The following KLF12 variants were observed in gnomAD, a reference collection of about 807,000 sequenced individuals.
KLF12 encodes the protein KLF transcription factor 12.
KLF12 carries 9 observed loss-of-function variants against 37.8 expected under a neutral mutation model. That is an observed-to-expected ratio of 0.24 (90% CI 0.14 to 0.42). The LOEUF is 0.42. KLF12 is among the 10% of genes least tolerant of loss of function. The probability of loss-of-function intolerance (pLI) is 1.00; values close to 1 mark genes in which losing one functional copy is unlikely to be tolerated. For synonymous variants in KLF12, 208 were observed against 202.1 expected, an observed-to-expected ratio of 1.03 and a Z score of -0.25; for missense variants, 411 against 516.0, an observed-to-expected ratio of 0.80 and a Z score of 1.97.
At chr13:73,886,422 C>A (rs1887224396) in intron 3 of KLF12, among the ~76,000 whole-genome samples, 1 of 152,134 alleles carries the variant, frequency 6.6e-6, no homozygotes, top group Non-Finnish European at 1.5e-5. Context: ...CACACAGCTA[C>A]AGCAGCTATT....
the KLF12 span, among the ~76,000 whole-genome samples, chr13:74,161,864 CA>C: frequency 2.6e-5 from 4 of 152,178 alleles, no homozygotes; most frequent in Non-Finnish European, 5.9e-5. Context: ...ATGATAGACT[CA>C]GGGGTCAGGG....
chr13:74,179,113 C>T, the KLF12 span, among the ~76,000 whole-genome samples: 4 of 152,136 alleles, frequency 2.6e-5, no homozygotes, highest in Non-Finnish European at 4.4e-5. Flanking sequence ...ATATAGGCTG[C>T]GAGCCTGGAC....
At chr13:74,128,390 G>T (rs921225292) in intron 1 of KLF12, among the ~76,000 whole-genome samples, 6 of 98,798 alleles carry the variant, frequency 6.1e-5, no homozygotes, top group Non-Finnish European at 1.7e-4. Flanking sequence ...TATGGCTGGA[G>T]TGCTTTTCCT....
chr13:73,732,707 C>T (rs374608705), intron 6 of KLF12, among the ~76,000 whole-genome samples: 5 of 152,230 alleles, frequency 3.3e-5, no homozygotes, highest in African/African-American at 7.2e-5. Flanking sequence ...TCCCATGTTT[C>T]GCATGGTGTG....
chr13:73,937,923 G>T (rs961800705), intron 3 of KLF12, among the ~76,000 whole-genome samples: 27 of 151,926 alleles, frequency 1.8e-4, no homozygotes, highest in African/African-American at 6.5e-4. Context: ...AAAAAAAATG[G>T]TCTTCTCACA....
chr13:73,849,246 G>C (rs1885187199), intron 3 of KLF12, among the ~76,000 whole-genome samples: 1 of 151,842 alleles, frequency 6.6e-6, no homozygotes, highest in Non-Finnish European at 1.5e-5. Flanking sequence ...TGGTTTTGTG[G>C]TGCACACCTG....
the KLF12 span, among the ~76,000 whole-genome samples, chr13:74,212,537 G>T: frequency 6.6e-6 from 1 of 152,144 alleles, no homozygotes; most frequent in East Asian, 1.9e-4. Context: ...CAGATGTCAT[G>T]GGAGGACAGT....
the KLF12 span, among the ~76,000 whole-genome samples, chr13:74,248,525 A>G: frequency 6.6e-6 from 1 of 152,222 alleles, no homozygotes; most frequent in African/African-American, 2.4e-5. Flanking sequence ...AATTTCAGCC[A>G]ATGCTTAATC....
intron 3 of KLF12, among the ~76,000 whole-genome samples, chr13:73,878,075 G>T (rs1328292006): frequency 3.3e-5 from 5 of 151,952 alleles, no homozygotes; most frequent in Non-Finnish European, 7.4e-5. Flanking sequence ...TGTCATAAAG[G>T]ACTTCATGAT....
the KLF12 span, among the ~76,000 whole-genome samples, chr13:74,239,840 T>C: frequency 1.3e-5 from 2 of 152,016 alleles, no homozygotes. Context: ...TGTGTGTCTC[T>C]GCACGTGAGA....
intron 1 of KLF12, among the ~76,000 whole-genome samples, chr13:74,019,937 T>C (rs1892797871): frequency 6.6e-6 from 1 of 152,194 alleles, no homozygotes; most frequent in African/African-American, 2.4e-5. Flanking sequence ...TCTTTAGGGA[T>C]CAAATATAAA....
At chr13:74,064,844 TCA>T (rs1873813648) in intron 1 of KLF12, among the ~76,000 whole-genome samples, 2 of 152,326 alleles carry the variant, frequency 1.3e-5, no homozygotes, top group South Asian at 4.1e-4. Flanking sequence ...AGTCACAAAG[TCA>T]CACAGGTACT....
chr13:73,981,986 T>C (rs139831460), intron 2 of KLF12, among the ~76,000 whole-genome samples: 2 of 152,316 alleles, frequency 1.3e-5, no homozygotes, highest in African/African-American at 4.8e-5. Context: ...CTTTTTTAAG[T>C]TAGGTTTCTC....
intron 1 of KLF12, among the ~76,000 whole-genome samples, chr13:74,035,657 A>C (rs1893227630): frequency 6.6e-6 from 1 of 152,184 alleles, no homozygotes; most frequent in African/African-American, 2.4e-5. Flanking sequence ...GAGAATCATA[A>C]TCATTCTAAA....
chr13:73,885,110 T>A (rs533559024), intron 3 of KLF12, among the ~76,000 whole-genome samples: 130 of 152,382 alleles, frequency 8.5e-4, no homozygotes, highest in Middle Eastern at 6.8e-3. Context: ...TCATTCACTA[T>A]GAAATCTCTA....
In KLF12 at chr13:73,821,614, C is replaced by A. The variant is rs527894294; in HGVS notation, c.671-8327G>T. On this transcript the variant is annotated intron_variant, in intron 4 of 7. Transcript: ENST00000377669. ...GTACAAATTGTCCCATGGAGCATTT[C>A]TCTGGTAACTGAATGTATGCAGGGC... 2.0e-5 allele frequency among the ~76,000 whole-genome samples: 3 copies of A among 152,330 alleles called. No homozygotes were observed. The South Asian group carries it at 6.2e-4, about 32-fold the overall frequency.
chr13:74,159,817 G>C, the KLF12 span, among the ~76,000 whole-genome samples: 1 of 151,936 alleles, frequency 6.6e-6, no homozygotes, highest in East Asian at 1.9e-4. Flanking sequence ...TCAGGAGCTC[G>C]AGACCAGCCT....
chr13:73,975,288 T>TA (rs1027675553), intron 2 of KLF12, among the ~76,000 whole-genome samples: 41 of 152,334 alleles, frequency 2.7e-4, no homozygotes, highest in African/African-American at 9.9e-4. Context: ...GTTAGATCTT[T>TA]AAACTATATG....
At chr13:73,994,701 A>C (rs888621870) in intron 2 of KLF12, among the ~76,000 whole-genome samples, 2 of 152,230 alleles carry the variant, frequency 1.3e-5, no homozygotes, top group African/African-American at 4.8e-5. Flanking sequence ...TGCATCAAGC[A>C]GTTTTCCATT....
Sources: gnomAD v4.1 joint callset for allele counts (sites outside exome capture counted in the v4.1 genomes callset) on GRCh38, gnomAD v4.1.1 for gene constraint, MANE v1.5 for transcripts, NCBI Gene and HGNC (gene_info 2026-07-23, HGNC 2026-07-21) for gene names.